The following KAZN variants were observed in gnomAD, a reference collection of about 807,000 sequenced individuals.
KAZN encodes the protein kazrin, periplakin interacting protein.
KAZN carries 40 observed loss-of-function variants against 87.4 expected under a neutral mutation model. That is an observed-to-expected ratio of 0.46 (90% CI 0.36 to 0.60). The LOEUF (loss-of-function observed/expected upper bound fraction) is 0.60. Among genes scored for constraint, KAZN ranks in the 20% least tolerant of loss-of-function variants. KAZN has a pLI of 0.00. For missense variants in KAZN, 898 were observed against 1,073.9 expected (o/e 0.84, Z 2.29); for synonymous variants, 466 against 458.3 (o/e 1.02, Z -0.22).
chr1:14,249,009 T>C (rs963039609), intron 2 of KAZN, among the ~76,000 whole-genome samples: 17 of 152,196 alleles, frequency 1.1e-4, no homozygotes, highest in Admixed American at 6.5e-5. Context: ...AGCCTTTGTA[T>C]TGATTTTGCT....
At chr1:14,133,893 G>C in intron 1 of KAZN, among the ~76,000 whole-genome samples, 1 of 152,272 alleles carries the variant, frequency 6.6e-6, no homozygotes, top group African/African-American at 2.4e-5. Flanking sequence ...CAGATGTGTC[G>C]CATCCTTTTG....
intron 2 of KAZN, among the ~76,000 whole-genome samples, chr1:14,280,807 A>G (rs1652791374): frequency 6.6e-6 from 1 of 152,240 alleles, no homozygotes; most frequent in Non-Finnish European, 1.5e-5. Flanking sequence ...ACCTACATAT[A>G]TGCCAGGCAT....
chr1:14,017,761 AC>A (rs1395554354), intron 1 of KAZN, among the ~76,000 whole-genome samples: 1 of 152,214 alleles, frequency 6.6e-6, no homozygotes. Context: ...ATGAGAAAAG[AC>A]CGTGCGTTGG....
At chr1:14,701,737 T>C (rs755146886) in intron 1 of KAZN, among the ~76,000 whole-genome samples, 8 of 152,120 alleles carry the variant, frequency 5.3e-5, no homozygotes, top group Non-Finnish European at 1.0e-4. Context: ...GTCGAGGCTG[T>C]AGTGAGCTGT....
chr1:14,557,405 T>A (rs905197485), intron 2 of KAZN, among the ~76,000 whole-genome samples: 1 of 152,112 alleles, frequency 6.6e-6, no homozygotes, highest in Non-Finnish European at 1.5e-5. Flanking sequence ...AAATCTCCAA[T>A]GTCCATAGGT....
At chr1:14,149,575 A>G (rs1645430760) in intron 1 of KAZN, among the ~76,000 whole-genome samples, 1 of 152,060 alleles carries the variant, frequency 6.6e-6, no homozygotes, top group Non-Finnish European at 1.5e-5. Flanking sequence ...CTTCCCTGCC[A>G]CACTTCCCTG....
chr1:14,313,267 A>G (rs2100817596), intron 2 of KAZN, among the ~76,000 whole-genome samples: 2 of 152,216 alleles, frequency 1.3e-5, no homozygotes, highest in South Asian at 4.1e-4. Context: ...CTAACATCAT[A>G]GATTAGTTTT....
chr1:14,151,822 G>A (rs1441214405), intron 1 of KAZN, among the ~76,000 whole-genome samples: 1 of 152,160 alleles, frequency 6.6e-6, no homozygotes, highest in African/African-American at 2.4e-5. Flanking sequence ...GCAGAGCAGT[G>A]GAAGAGCTCC....
At chr1:14,861,337 C>T (rs1650827860) in intron 1 of KAZN, among the ~76,000 whole-genome samples, 2 of 152,130 alleles carry the variant, frequency 1.3e-5, no homozygotes, top group Non-Finnish European at 2.9e-5. Flanking sequence ...CAAGATTGCA[C>T]CACTGCACTC....
intron 1 of KAZN, among the ~76,000 whole-genome samples, chr1:14,627,214 G>A (rs1679208150): frequency 6.6e-6 from 1 of 151,868 alleles, no homozygotes; most frequent in African/African-American, 2.4e-5. Context: ...GGGTGTGAAG[G>A]AGCCAGCCAT....
intron 1 of KAZN, among the ~76,000 whole-genome samples, chr1:14,028,507 T>C (rs1641183334): frequency 6.6e-6 from 1 of 152,128 alleles, no homozygotes; most frequent in African/African-American, 2.4e-5. Context: ...CTCTGGGAAT[T>C]GAGAGGGGAG....
At chr1:13,956,301 C>CTTTTTTTCTT (rs1557744553) in intron 1 of KAZN, among the ~76,000 whole-genome samples, 2 of 95,568 alleles carry the variant, frequency 2.1e-5, no homozygotes, top group East Asian at 4.6e-4. Flanking sequence ...CATTTCTTTT[C>CTTTTTTTCTT]TTTTTTTTCT....
chr1:13,974,265 C>A (rs58104985), intron 1 of KAZN, among the ~76,000 whole-genome samples: 1 of 152,168 alleles, frequency 6.6e-6, no homozygotes, highest in Non-Finnish European at 1.5e-5. Context: ...CCACATTGTA[C>A]AAACAATCTA....
At chr1:14,514,364 T>TA (rs1491337768) in intron 2 of KAZN, among the ~76,000 whole-genome samples, 1 of 16,894 alleles carries the variant, frequency 5.9e-5, no homozygotes, top group African/African-American at 2.5e-4. Context: ...TATATATATA[T>TA]TTATATATAT....
At chr1:14,284,452 G>T (rs943549738) in intron 2 of KAZN, among the ~76,000 whole-genome samples, 1 of 151,956 alleles carries the variant, frequency 6.6e-6, no homozygotes, top group Admixed American at 6.6e-5. Flanking sequence ...TGAGCCCCGG[G>T]TTCCAAAAGG....
At chr1:14,256,316 T>G (rs1650510239) in intron 2 of KAZN, among the ~76,000 whole-genome samples, 1 of 152,110 alleles carries the variant, frequency 6.6e-6, no homozygotes, top group Non-Finnish European at 1.5e-5. Flanking sequence ...ATATGCACAC[T>G]GTTAGCAGAA....
intron 1 of KAZN, among the ~76,000 whole-genome samples, chr1:13,935,890 G>GTA (rs1640712514): frequency 1.5e-5 from 2 of 136,862 alleles, no homozygotes; most frequent in Non-Finnish European, 3.0e-5. Flanking sequence ...GTGTGTGTGT[G>GTA]TGTGTGTGTG....
chr1:14,637,838 C>T lies in KAZN; in HGVS notation c.226+38615C>T, dbSNP rs1461257667. Among the ~76,000 whole-genome samples the T allele has an allele frequency of 3.3e-5, 5 of 152,264 alleles. No individual in the cohort carries two copies. The South Asian group carries it at 6.2e-4, about 19-fold the overall frequency. ...TGAGGGCTACTGTGACAAAGTGCTA[C>T]AAACTGGGAGGCTTCAAACAACACA... On this transcript the variant is annotated intron_variant, in intron 1 of 14. Transcript: ENST00000376030.
chr1:14,019,338 A>G (rs1320293521), intron 1 of KAZN, among the ~76,000 whole-genome samples: 1 of 152,222 alleles, frequency 6.6e-6, no homozygotes, highest in Non-Finnish European at 1.5e-5. Flanking sequence ...CCCACTGGGA[A>G]CACAAATGAG....
Sources: allele counts gnomAD v4.1 joint callset (sites outside exome capture counted in the v4.1 genomes callset), GRCh38; gene constraint gnomAD v4.1.1; transcripts MANE v1.5; gene names NCBI Gene and HGNC (gene_info 2026-07-23, HGNC 2026-07-21).